ZNF33B: variants seen among roughly 807,000 people sequenced by gnomAD.
The protein encoded by ZNF33B is zinc finger protein 33B, also known as zinc finger protein 11b (KOX 2).
Under a neutral mutation model 45.8 loss-of-function variants are expected in ZNF33B, and 29 were observed. The ratio of observed to expected loss-of-function variants is 0.63; its 90% confidence interval spans 0.47 to 0.86. The LOEUF is 0.86. Among genes scored for constraint, ZNF33B ranks in the 40% least tolerant of loss-of-function variants. ZNF33B has a pLI of 0.00. For synonymous variants in ZNF33B, 305 were observed against 307.8 expected (o/e 0.99, Z 0.10); for missense variants, 831 against 909.9 (o/e 0.91, Z 1.12).
chr10:42,623,132 T>C (rs1020304085), intron 4 of ZNF33B, among the ~76,000 whole-genome samples: 1 of 152,178 alleles, frequency 6.6e-6, no homozygotes, highest in African/African-American at 2.4e-5. Context: ...CTGGGCACTG[T>C]GGCATGCGCC....
Position 42,622,989 on chromosome 10 carries a change from C to T in ZNF33B, c.250+8940G>A, listed in dbSNP as rs148064319. On this transcript the variant is annotated intron_variant, in intron 4 of 4. Transcript: ENST00000359467. Reference sequence around the variant, plus strand: ...CAACAAAAGAAAGAGTAGGTACGGCCGGGTGCGGTGGCTCACGCCTGTAAT... The same window carrying T: ...CAACAAAAGAAAGAGTAGGTACGGCTGGGTGCGGTGGCTCACGCCTGTAAT... Among the ~76,000 whole-genome samples the T allele has an allele frequency of 5.7e-4, 86 of 152,202 alleles. No homozygotes were observed. The East Asian group carries it at 0.014, about 25-fold the overall frequency.
intron 4 of ZNF33B, chr10:42,614,355 G>C (rs1838226304): frequency 6.5e-6 from 1 of 153,782 alleles, no homozygotes; most frequent in South Asian, 2.0e-4. Context: ...TAGCCAAGAG[G>C]AGCCTAAAGA....
rs1214200755 is a variant in ZNF33B at position 42,589,646 on chromosome 10, T to G, written c.*2967A>C. 6.8e-6 allele frequency: 1 copy of G among 146,990 alleles called. No individual in the cohort carries two copies. Among genetic ancestry groups the G allele is most frequent in the East Asian group, 1.9e-4 (1 of 5,170 alleles). The allele number at this position is 146,990 out of a possible 1,614,324, so 9.1% of individuals were successfully genotyped here. A position where few individuals can be genotyped will look rare whatever the true frequency, so the allele number is the denominator to read the frequency against. The stretch of plus-strand genomic sequence containing the variant: ...GTCTAATTCTTTTTTATCATATACC[T>G]GAGGACTACATTCTACAACCCTGCT... On this transcript the variant is annotated 3_prime_UTR_variant, in exon 5 of 5. Coordinates refer to ENST00000359467, the MANE Select transcript of ZNF33B (RefSeq NM_006955.3).
At chr10:42,629,443 A>G (rs1423829446) in intron 4 of ZNF33B, among the ~76,000 whole-genome samples, 3 of 152,244 alleles carry the variant, frequency 2.0e-5, no homozygotes, top group East Asian at 3.8e-4. Flanking sequence ...AGTGACTAAA[A>G]GAGTGTAACT....
At chr10:42,620,536 G>A in intron 4 of ZNF33B, among the ~76,000 whole-genome samples, 1 of 151,564 alleles carries the variant, frequency 6.6e-6, no homozygotes, top group Non-Finnish European at 1.5e-5. Context: ...CCAAGTAGCT[G>A]GAACCACAGC....
chr10:42,612,183 T>TGATA (rs992503785), intron 4 of ZNF33B, among the ~76,000 whole-genome samples: 1 of 151,832 alleles, frequency 6.6e-6, no homozygotes, highest in African/African-American at 2.4e-5. Flanking sequence ...TCAATTGACA[T>TGATA]GATACAGTTT....
intron 4 of ZNF33B, among the ~76,000 whole-genome samples, chr10:42,630,821 A>G (rs1456646005): frequency 2.0e-5 from 3 of 152,214 alleles, no homozygotes; most frequent in African/African-American, 7.2e-5. Flanking sequence ...AACAGATTTT[A>G]ACCAAATAAG....
At chr10:42,574,545 T>C (rs979317335) in exon 2 of ZNF33B, 4 of 152,104 alleles carry the variant, frequency 2.6e-5, no homozygotes, top group African/African-American at 7.2e-5. Flanking sequence ...CACCATCACA[T>C]TTCCTCTTCC....
At chr10:42,621,140 A>G (rs1378188704) in intron 4 of ZNF33B, among the ~76,000 whole-genome samples, 1 of 143,346 alleles carries the variant, frequency 7.0e-6, no homozygotes, top group Non-Finnish European at 1.5e-5. Flanking sequence ...TGAGCAACAT[A>G]GTGAGACCCT....
chr10:42,592,247 A>G lies in ZNF33B; in HGVS notation c.*366T>C. 1 of 411,490 alleles carries G rather than the reference A, an allele frequency of 2.4e-6. No homozygotes were observed. Among genetic ancestry groups the G allele is most frequent in the Non-Finnish European group, 3.5e-6 (1 of 288,584 alleles). The allele number at this position is 411,490 out of a possible 1,614,324, so 25.5% of individuals were successfully genotyped here. On this transcript the variant is annotated 3_prime_UTR_variant, in exon 5 of 5. Coordinates refer to ENST00000359467, the MANE Select transcript of ZNF33B (RefSeq NM_006955.3). The stretch of plus-strand genomic sequence containing the variant: ...CATCAAACTCAAAACAGAACTTGTC[A>G]TATTTTATTTCTAAGCAAAATTTTC...
intron 2 of ZNF33B, among the ~76,000 whole-genome samples, chr10:42,635,809 CAA>C (rs35517157): frequency 2.8e-4 from 29 of 102,796 alleles, no homozygotes; most frequent in Non-Finnish European, 2.6e-4. Flanking sequence ...ACTCTGTATC[CAA>C]AAAAAAAAAA....
At chr10:42,638,206 C>A (rs2484297) in intron 1 of ZNF33B, among the ~76,000 whole-genome samples, 22,938 of 152,278 alleles carry the variant, frequency 0.15, 2,324 homozygotes, top group Non-Finnish European at 0.23. Context: ...CCGCAAGGCT[C>A]AGCGCTCGGA....
At chr10:42,580,456 T>C (rs1452020267) in intron 1 of ZNF33B, among the ~76,000 whole-genome samples, 1 of 150,444 alleles carries the variant, frequency 6.6e-6, no homozygotes, top group Non-Finnish European at 1.5e-5. Context: ...CAGGCTGGTC[T>C]TGAACTCCTG....
downstream of ZNF33B, among the ~76,000 whole-genome samples, chr10:42,588,887 G>A (rs1182226631): frequency 6.6e-6 from 1 of 152,212 alleles, no homozygotes; most frequent in African/African-American, 2.4e-5. Context: ...GCAGAGTGGG[G>A]ATGGAAACGA....
downstream of ZNF33B, among the ~76,000 whole-genome samples, chr10:42,585,520 G>A (rs1289796912): frequency 1.3e-5 from 2 of 152,198 alleles, no homozygotes; most frequent in African/African-American, 4.8e-5. Flanking sequence ...CTTACTGGAG[G>A]AGATGGGAAC....
At position 42,593,385 on chromosome 10, in the gene ZNF33B, A is replaced by G; in HGVS notation, c.1565T>C (p.Leu522Ser). ...LTRHQIIHTG[L>S]KPYECYECGK... ...ACATTCATAACATTCATAAGGTTTC[A>G]ACCCTGTATGAATTATCTGATGCCT... Residue 522 changes from leucine (L) to serine (S), a missense_variant, in exon 5 of 5, where the codon TTG becomes TCG. Leu to Ser is a moderately radical substitution (Grantham distance 145). Transcript: ENST00000359467. 1 of 1,613,272 alleles carries G rather than the reference A, an allele frequency of 6.2e-7. No homozygotes were observed. The highest frequency in any genetic ancestry group is 1.1e-5 in the South Asian group (1 of 91,026).
chr10:42,633,797 A>G (rs536572381), intron 2 of ZNF33B, among the ~76,000 whole-genome samples: 1 of 152,170 alleles, frequency 6.6e-6, no homozygotes, highest in East Asian at 1.9e-4. Flanking sequence ...GTGAAACCTC[A>G]TCTCTACTAA....
rs1454035623 is a variant in ZNF33B at position 42,590,978 on chromosome 10, G to A, written c.*1635C>T. The A allele has an allele frequency of 1.8e-5, 3 of 171,256 alleles. No homozygotes were observed. Among genetic ancestry groups the A allele is most frequent in the African/African-American group, 7.2e-5 (3 of 41,834 alleles). 10.6% of individuals were successfully genotyped at this position (171,256 alleles called of 1,614,324 possible). A position where few individuals can be genotyped will look rare whatever the true frequency, so the allele number is the denominator to read the frequency against. ...TCTTCTTTTTCTAGTTTTCCAAAGT[G>A]GAAGCTTAGATTACTTGTGTAATCT... On this transcript the variant is annotated 3_prime_UTR_variant, in exon 5 of 5. Coordinates refer to ENST00000359467, the MANE Select transcript of ZNF33B (RefSeq NM_006955.3).
chr10:42,588,135 G>C (rs1230422031), downstream of ZNF33B, among the ~76,000 whole-genome samples: 1 of 152,210 alleles, frequency 6.6e-6, no homozygotes. Flanking sequence ...CTCAAGTGCT[G>C]ATCAGTTTGT....
Sources: gnomAD v4.1 joint callset for allele counts (sites outside exome capture counted in the v4.1 genomes callset) on GRCh38, gnomAD v4.1.1 for gene constraint, MANE v1.5 for transcripts, NCBI Gene and HGNC (gene_info 2026-07-23, HGNC 2026-07-21) for gene names.